Variants in ROR1 observed in about 807,000 individuals in gnomAD.
ROR1 encodes inactive tyrosine-protein kinase transmembrane receptor ROR1.
Under a neutral mutation model 78.8 loss-of-function variants are expected in ROR1, and 19 were observed. The ratio of observed to expected loss-of-function variants is 0.24; its 90% confidence interval spans 0.17 to 0.35. The LOEUF (loss-of-function observed/expected upper bound fraction) is 0.35. Among genes scored for constraint, ROR1 ranks in the 10% least tolerant of loss-of-function variants. The pLI, the probability that ROR1 is intolerant of heterozygous loss-of-function variation, is 1.00. For synonymous variants in ROR1, 386 were observed against 433.6 expected (o/e 0.89, Z 1.36); for missense variants, 917 against 1,177.8 (o/e 0.78, Z 3.24).
At chr1:63,914,928 C>G (rs931941280) in intron 1 of ROR1, among the ~76,000 whole-genome samples, 1 of 152,068 alleles carries the variant, frequency 6.6e-6, no homozygotes, top group African/African-American at 2.4e-5. Context: ...GGGAGAGCCT[C>G]CTGAGTTCAC....
chr1:63,970,139 A>G (rs1449667498), intron 1 of ROR1, among the ~76,000 whole-genome samples: 1 of 152,134 alleles, frequency 6.6e-6, no homozygotes, highest in Non-Finnish European at 1.5e-5. Context: ...TAGATATTGA[A>G]TCAGACACTA....
Position 63,908,385 on chromosome 1 carries a change from T to C in ROR1, c.92-100920T>C, listed in dbSNP as rs188901306. 2.0e-5 allele frequency among the ~76,000 whole-genome samples: 3 copies of C among 152,298 alleles called. No individual in the cohort carries two copies. The East Asian group carries it at 5.8e-4, about 29-fold the overall frequency. ...CTCAGATCTGTGATTCCCAACATCTTTTTATATGAGGGCCTATTTTTCTTT... is the reference window on the plus strand; with the variant it reads ...CTCAGATCTGTGATTCCCAACATCTCTTTATATGAGGGCCTATTTTTCTTT... On this transcript the variant is annotated intron_variant, in intron 1 of 8. Coordinates refer to ENST00000371079, the MANE Select transcript of ROR1 (RefSeq NM_005012.4).
chr1:63,907,412 T>C (rs539804139), intron 1 of ROR1, among the ~76,000 whole-genome samples: 1 of 152,306 alleles, frequency 6.6e-6, no homozygotes, highest in Non-Finnish European at 1.5e-5. Context: ...AAAGATGAAA[T>C]GAAACCAGCT....
At chr1:63,990,113 G>A (rs1030806179) in intron 1 of ROR1, among the ~76,000 whole-genome samples, 1 of 152,172 alleles carries the variant, frequency 6.6e-6, no homozygotes, top group Non-Finnish European at 1.5e-5. Context: ...AGGCATGAAG[G>A]CTGTACTTTT....
At chr1:63,797,361 C>T (rs1644767266) in intron 1 of ROR1, among the ~76,000 whole-genome samples, 1 of 152,120 alleles carries the variant, frequency 6.6e-6, no homozygotes, top group Non-Finnish European at 1.5e-5. Flanking sequence ...TCTGCTGTGC[C>T]CGATTTTGTG....
At chr1:63,856,616 G>A (rs1645150619) in intron 1 of ROR1, among the ~76,000 whole-genome samples, 2 of 152,142 alleles carry the variant, frequency 1.3e-5, no homozygotes, top group South Asian at 4.1e-4. Context: ...ACTGAGCTCT[G>A]CCTGAGTTCT....
At chr1:63,814,087 G>A (rs1644875615) in intron 1 of ROR1, among the ~76,000 whole-genome samples, 1 of 152,166 alleles carries the variant, frequency 6.6e-6, no homozygotes, top group East Asian at 1.9e-4. Context: ...GTACATTTTA[G>A]CTTTTGGGAG....
chr1:64,162,989 AG>A (rs1449663508), intron 8 of ROR1, among the ~76,000 whole-genome samples: 1 of 152,014 alleles, frequency 6.6e-6, no homozygotes, highest in Non-Finnish European at 1.5e-5. Context: ...GGGAGCAGGG[AG>A]GGGGCAGAGT....
At chr1:63,949,767 G>C (rs928370261) in intron 1 of ROR1, among the ~76,000 whole-genome samples, 1 of 152,078 alleles carries the variant, frequency 6.6e-6, no homozygotes, top group African/African-American at 2.4e-5. Flanking sequence ...CTCAAAGGGG[G>C]TAGCCCGGGA....
chr1:63,928,839 TA>T (rs151063092), intron 1 of ROR1, among the ~76,000 whole-genome samples: 1,998 of 152,308 alleles, frequency 0.013, 44 homozygotes, highest in African/African-American at 0.047. Flanking sequence ...GTCCTTGGGA[TA>T]ACCCTCTAGA....
intron 1 of ROR1, among the ~76,000 whole-genome samples, chr1:63,966,930 C>A (rs947861407): frequency 6.6e-6 from 1 of 152,138 alleles, no homozygotes. Flanking sequence ...TTTCAATGAC[C>A]CTTATTTCCT....
At chr1:63,854,303 G>T (rs1389311307) in intron 1 of ROR1, among the ~76,000 whole-genome samples, 2 of 152,148 alleles carry the variant, frequency 1.3e-5, no homozygotes, top group African/African-American at 4.8e-5. Flanking sequence ...CTTACGTGTG[G>T]CTGATTGCTT....
intron 1 of ROR1, among the ~76,000 whole-genome samples, chr1:63,958,714 T>C (rs918044398): frequency 3.3e-5 from 5 of 152,212 alleles, no homozygotes; most frequent in East Asian, 1.9e-4. Flanking sequence ...GTCCGTAGTA[T>C]GTAGTTTTTA....
At chr1:63,806,596 C>T (rs191913491) in intron 1 of ROR1, among the ~76,000 whole-genome samples, 79 of 152,268 alleles carry the variant, frequency 5.2e-4, no homozygotes, top group Middle Eastern at 3.4e-3. Flanking sequence ...GGATTACAGG[C>T]GTGAGCCACC....
At chr1:63,798,905 T>C (rs1644778864) in intron 1 of ROR1, among the ~76,000 whole-genome samples, 1 of 152,204 alleles carries the variant, frequency 6.6e-6, no homozygotes, top group Non-Finnish European at 1.5e-5. Flanking sequence ...AGATGCATTA[T>C]AAACTTTCCT....
intron 4 of ROR1, among the ~76,000 whole-genome samples, chr1:64,079,471 T>TC: frequency 2.5e-5 from 1 of 40,776 alleles, no homozygotes; most frequent in East Asian, 1.5e-3. Flanking sequence ...TTGATTGGGA[T>TC]TTTTTTTTTT....
intron 1 of ROR1, among the ~76,000 whole-genome samples, chr1:63,786,229 T>C (rs1266109639): frequency 4.0e-5 from 6 of 148,586 alleles, no homozygotes; most frequent in African/African-American, 9.9e-5. Flanking sequence ...AATAAAGCAT[T>C]TCCCCCCTTA....
At chr1:64,006,098 C>A (rs999551658) in intron 1 of ROR1, among the ~76,000 whole-genome samples, 1 of 152,202 alleles carries the variant, frequency 6.6e-6, no homozygotes. Context: ...AGCAATTCAA[C>A]TCAGCTTGGA....
intron 2 of ROR1, among the ~76,000 whole-genome samples, chr1:64,036,923 A>G (rs856283): frequency 0.65 from 98,652 of 152,088 alleles, 35,924 homozygotes; most frequent in East Asian, 0.88. Context: ...TCGACTGAGA[A>G]GACAAAAACA....
Sources: allele counts gnomAD v4.1 joint callset (sites outside exome capture counted in the v4.1 genomes callset), GRCh38; gene constraint gnomAD v4.1.1; transcripts MANE v1.5; gene names NCBI Gene and HGNC (gene_info 2026-07-23, HGNC 2026-07-21).